The following LARGE1 variants were observed in gnomAD, a reference collection of about 807,000 sequenced individuals.
LARGE1 encodes the protein xylosyl- and glucuronyltransferase LARGE1.
A neutral mutation model predicts 87.6 loss-of-function variants in LARGE1; 43 were observed. That is an observed-to-expected ratio of 0.49 (90% CI 0.38 to 0.63). The LOEUF is 0.63. Among genes scored for constraint, LARGE1 ranks in the 30% least tolerant of loss-of-function variants. The probability of loss-of-function intolerance (pLI) is 0.00; values close to 1 mark genes in which losing one functional copy is unlikely to be tolerated. For missense variants in LARGE1, 802 were observed against 1,000.2 expected, an observed-to-expected ratio of 0.80 and a Z score of 2.67; for synonymous variants, 434 against 394.6, an observed-to-expected ratio of 1.10 and a Z score of -1.18.
At chr22:33,629,903 C>T (rs1464738150) in intron 3 of LARGE1, among the ~76,000 whole-genome samples, 1 of 152,096 alleles carries the variant, frequency 6.6e-6, no homozygotes, top group African/African-American at 2.4e-5. Flanking sequence ...CACACCATCA[C>T]TGCAGGCTAA....
chr22:33,916,755 T>G (rs2065799937), intron 1 of LARGE1, among the ~76,000 whole-genome samples: 1 of 152,224 alleles, frequency 6.6e-6, no homozygotes, highest in African/African-American at 2.4e-5. Flanking sequence ...GCCAGCCTCC[T>G]GCCTCTACTT....
intron 1 of LARGE1, among the ~76,000 whole-genome samples, chr22:33,806,385 G>A (rs2086310232): frequency 6.6e-6 from 1 of 152,286 alleles, no homozygotes; most frequent in Non-Finnish European, 1.5e-5. Flanking sequence ...GGCCTCCAGG[G>A]CAGCCTAGAG....
chr22:33,183,619 C>T (rs1235275335), intron 11 of LARGE1, among the ~76,000 whole-genome samples: 3 of 92,892 alleles, frequency 3.2e-5, no homozygotes, highest in Non-Finnish European at 2.4e-5. Flanking sequence ...CACACACACA[C>T]GCACACACAC....
intron 11 of LARGE1, among the ~76,000 whole-genome samples, chr22:33,307,904 C>G (rs1356684477): frequency 2.0e-5 from 3 of 151,976 alleles, no homozygotes; most frequent in African/African-American, 7.3e-5. Context: ...CGTCCCCGTG[C>G]AGTTCTTGCT....
chr22:33,503,244 TTTTTTTTTTTTTTTG>T (rs2070574242), intron 6 of LARGE1, among the ~76,000 whole-genome samples: 1 of 143,390 alleles, frequency 7.0e-6, no homozygotes, highest in Non-Finnish European at 1.5e-5. Flanking sequence ...GAGTTCCCCT[TTTTTTTTTTTTTTTG>T]TTTTTTTTTT....
At chr22:33,397,303 CGG>C (rs1410994246) in intron 7 of LARGE1, among the ~76,000 whole-genome samples, 1 of 151,990 alleles carries the variant, frequency 6.6e-6, no homozygotes, top group South Asian at 2.1e-4. Context: ...TTAGTAGAGA[CGG>C]GGTTTCTCCA....
At chr22:33,070,214 G>T in the LARGE1 span, among the ~76,000 whole-genome samples, 1 of 152,196 alleles carries the variant, frequency 6.6e-6, no homozygotes, top group Non-Finnish European at 1.5e-5. Context: ...GTATGTGTTT[G>T]GTTCACATTT....
At chr22:33,866,146 T>C (rs1034777467) in intron 1 of LARGE1, among the ~76,000 whole-genome samples, 5 of 151,944 alleles carry the variant, frequency 3.3e-5, no homozygotes, top group African/African-American at 1.2e-4. Flanking sequence ...AACTACCCCA[T>C]GGTGGATGGA....
At chr22:33,792,105 A>G (rs2085842295) in intron 1 of LARGE1, among the ~76,000 whole-genome samples, 1 of 152,202 alleles carries the variant, frequency 6.6e-6, no homozygotes, top group South Asian at 2.1e-4. Context: ...TCAATTCGGT[A>G]AAACAGAACG....
chr22:33,905,798 A>G (rs1192999648), intron 1 of LARGE1, among the ~76,000 whole-genome samples: 3 of 152,190 alleles, frequency 2.0e-5, no homozygotes, highest in Non-Finnish European at 4.4e-5. Context: ...ATGCCAGAAT[A>G]AGACTAGTTC....
the LARGE1 span, among the ~76,000 whole-genome samples, chr22:33,099,833 T>G: frequency 1.3e-5 from 2 of 152,236 alleles, no homozygotes; most frequent in Non-Finnish European, 2.9e-5. Flanking sequence ...TTCAGTGATG[T>G]GATTCCATGC....
chr22:33,154,651 C>A, the LARGE1 span, among the ~76,000 whole-genome samples: 1 of 152,088 alleles, frequency 6.6e-6, no homozygotes, highest in Non-Finnish European at 1.5e-5. Context: ...CTCTTTCTTC[C>A]TTTCCTTCTT....
upstream of LARGE1, chr22:33,922,361 T>A (rs957374710): frequency 6.6e-6 from 1 of 152,178 alleles, no homozygotes; most frequent in African/African-American, 2.4e-5. Flanking sequence ...TCTCGGCCTT[T>A]GGCTTTACCG....
intron 2 of LARGE1, among the ~76,000 whole-genome samples, chr22:33,690,430 A>G (rs2016485): frequency 0.5 from 75,544 of 151,826 alleles, 19,450 homozygotes; most frequent in Middle Eastern, 0.69. Flanking sequence ...CAGCCCTCCC[A>G]GCAACCCCAG....
intron 2 of LARGE1, among the ~76,000 whole-genome samples, chr22:33,667,485 A>G (rs879783956): frequency 6.6e-6 from 1 of 152,234 alleles, no homozygotes; most frequent in Non-Finnish European, 1.5e-5. Context: ...TGAAAACATC[A>G]GAGCCTTCTA....
chr22:33,536,399 A>G (rs1383220425), intron 6 of LARGE1, among the ~76,000 whole-genome samples: 2 of 152,210 alleles, frequency 1.3e-5, no homozygotes, highest in African/African-American at 4.8e-5. Flanking sequence ...TCCAAATACA[A>G]CAGAGCACGC....
chr22:33,320,652 T>G (rs1936621896), intron 10 of LARGE1, among the ~76,000 whole-genome samples: 1 of 152,234 alleles, frequency 6.6e-6, no homozygotes. Context: ...AAGTTAAGAC[T>G]ATCCTTTCAA....
At chr22:33,457,693 G>C (rs2068195924) in intron 6 of LARGE1, among the ~76,000 whole-genome samples, 1 of 152,140 alleles carries the variant, frequency 6.6e-6, no homozygotes, top group South Asian at 2.1e-4. Flanking sequence ...TTGCAAAAGA[G>C]TAATTTTTTT....
At chr22:33,899,426 G>A (rs186490976) in intron 1 of LARGE1, among the ~76,000 whole-genome samples, 107 of 152,294 alleles carry the variant, frequency 7.0e-4, no homozygotes, top group Non-Finnish European at 1.3e-3. Context: ...AAAATTGGAT[G>A]TAACAAACCA....
Sources: allele counts gnomAD v4.1 joint callset (sites outside exome capture counted in the v4.1 genomes callset), GRCh38; gene constraint gnomAD v4.1.1; transcripts MANE v1.5; gene names NCBI Gene and HGNC (gene_info 2026-07-23, HGNC 2026-07-21).